Variants in DACH1 observed in about 807,000 individuals in gnomAD.
DACH1 encodes the protein dachshund family transcription factor 1.
In DACH1, 12 loss-of-function variants were observed where a neutral mutation model predicts 54.2. The observed-to-expected ratio is 0.22, with a 90% confidence interval of 0.14 to 0.36. DACH1 has a LOEUF of 0.36. Ranked by LOEUF, DACH1 falls within the 10% of genes least tolerant of loss-of-function variation. DACH1 has a pLI of 1.00. For synonymous variants in DACH1, 386 were observed against 366.2 expected, an observed-to-expected ratio of 1.05 and a Z score of -0.62; for missense variants, 805 against 929.8, an observed-to-expected ratio of 0.87 and a Z score of 1.75.
intron 1 of DACH1, among the ~76,000 whole-genome samples, chr13:71,698,457 T>G (rs1019002944): frequency 1.2e-4 from 18 of 152,078 alleles, no homozygotes; most frequent in African/African-American, 4.3e-4. Context: ...TGTATTGAAA[T>G]TTAAAATATG....
At chr13:71,477,545 T>A (rs1026543421) in intron 8 of DACH1, among the ~76,000 whole-genome samples, 7 of 152,140 alleles carry the variant, frequency 4.6e-5, no homozygotes, top group African/African-American at 1.7e-4. Flanking sequence ...CGAAAAGAAA[T>A]TGAAACTGAT....
rs190599051 is a variant in DACH1 at position 71,831,530 on chromosome 13, G to A, written c.848+34392C>T. Among the ~76,000 whole-genome samples, 309 of 151,776 alleles carry A rather than the reference G, an allele frequency of 2.0e-3. 1 individual carries two copies. The highest frequency in any genetic ancestry group is 6.8e-3 in the Middle Eastern group (2 of 292). On this transcript the variant is annotated intron_variant, in intron 1 of 10. Transcript: ENST00000613252. ...ACATAACTTGTGATATATAGGGTGG[G>A]CTTTTTTCTGTACTACTATATACCC...
intron 5 of DACH1, among the ~76,000 whole-genome samples, chr13:71,558,059 AAT>A (rs1452597820): frequency 6.6e-6 from 1 of 151,942 alleles, no homozygotes; most frequent in Non-Finnish European, 1.5e-5. Context: ...GTACTATAAT[AAT>A]GTTATTTTCC....
intron 7 of DACH1, among the ~76,000 whole-genome samples, chr13:71,485,069 A>G (rs1356763191): frequency 2.0e-5 from 3 of 152,028 alleles, no homozygotes; most frequent in Non-Finnish European, 2.9e-5. Flanking sequence ...TTTAAAAAAA[A>G]AAAAAGAAAA....
intron 1 of DACH1, among the ~76,000 whole-genome samples, chr13:71,688,678 T>C (rs1049479264): frequency 2.6e-5 from 4 of 152,136 alleles, no homozygotes; most frequent in African/African-American, 7.2e-5. Flanking sequence ...TGCTTACAAA[T>C]ATCACCAGTG....
At chr13:71,719,795 G>A (rs975119228) in intron 1 of DACH1, among the ~76,000 whole-genome samples, 2 of 152,016 alleles carry the variant, frequency 1.3e-5, no homozygotes, top group African/African-American at 4.8e-5. Context: ...AGCACAGGAG[G>A]TTGAGGCTGC....
chr13:71,688,857 T>C (rs1881320249), intron 1 of DACH1, among the ~76,000 whole-genome samples: 1 of 152,194 alleles, frequency 6.6e-6, no homozygotes, highest in South Asian at 2.1e-4. Context: ...ATTAAAAGAT[T>C]CTGTGTTCAA....
intron 2 of DACH1, among the ~76,000 whole-genome samples, chr13:71,660,518 G>A (rs372293184): frequency 6.6e-6 from 1 of 151,958 alleles, no homozygotes; most frequent in Admixed American, 6.6e-5. Flanking sequence ...GACAACCATA[G>A]CCCCATATAT....
intron 1 of DACH1, among the ~76,000 whole-genome samples, chr13:71,849,807 C>G (rs1240710549): frequency 6.6e-6 from 1 of 152,162 alleles, no homozygotes; most frequent in Non-Finnish European, 1.5e-5. Context: ...ATTCATTTAG[C>G]TTCATGAGAA....
intron 1 of DACH1, among the ~76,000 whole-genome samples, chr13:71,750,525 GTATAT>G (rs960049711): frequency 1.6e-4 from 25 of 152,238 alleles, no homozygotes; most frequent in East Asian, 9.7e-4. Flanking sequence ...CTTAGCTAGA[GTATAT>G]TATAAGAATA....
intron 6 of DACH1, among the ~76,000 whole-genome samples, chr13:71,550,455 C>T (rs2138355401): frequency 6.6e-6 from 1 of 152,176 alleles, no homozygotes; most frequent in South Asian, 2.1e-4. Context: ...TAGGAAAGGA[C>T]AGAGGATGTT....
intron 1 of DACH1, among the ~76,000 whole-genome samples, chr13:71,839,425 G>T (rs1460716333): frequency 6.6e-6 from 1 of 152,006 alleles, no homozygotes; most frequent in Non-Finnish European, 1.5e-5. Context: ...GGCTAATACG[G>T]TGAAACCCCG....
intron 1 of DACH1, among the ~76,000 whole-genome samples, chr13:71,825,601 A>G (rs1888348897): frequency 6.6e-6 from 1 of 152,110 alleles, no homozygotes; most frequent in Admixed American, 6.6e-5. Flanking sequence ...AATGTTTTCA[A>G]GGTTCACCCA....
intron 3 of DACH1, among the ~76,000 whole-genome samples, chr13:71,609,340 C>T (rs966538783): frequency 1.3e-5 from 2 of 152,090 alleles, no homozygotes; most frequent in African/African-American, 2.4e-5. Context: ...ACACAAACAT[C>T]CGCGTGTGTT....
At chr13:71,599,934 T>A (rs1015041727) in intron 3 of DACH1, among the ~76,000 whole-genome samples, 1 of 151,746 alleles carries the variant, frequency 6.6e-6, no homozygotes, top group Non-Finnish European at 1.5e-5. Context: ...ATAACTGATA[T>A]GAGAAAGCAG....
chr13:71,534,581 C>G (rs1029236430), intron 6 of DACH1, among the ~76,000 whole-genome samples: 25 of 151,198 alleles, frequency 1.7e-4, no homozygotes, highest in African/African-American at 6.1e-4. Context: ...CCAAAGTGAG[C>G]AATTGTAACT....
chr13:71,725,168 T>C (rs570623214), intron 1 of DACH1, among the ~76,000 whole-genome samples: 2 of 152,110 alleles, frequency 1.3e-5, no homozygotes, highest in Non-Finnish European at 2.9e-5. Flanking sequence ...GCAAAACAAG[T>C]CTCATCAAAG....
chr13:71,678,255 T>C (rs1029574018), intron 2 of DACH1, among the ~76,000 whole-genome samples: 2 of 152,246 alleles, frequency 1.3e-5, no homozygotes, highest in Non-Finnish European at 2.9e-5. Context: ...AGATGTTATA[T>C]ACTTCTTGAG....
chr13:71,702,255 T>A (rs1882177739), intron 1 of DACH1, among the ~76,000 whole-genome samples: 1 of 152,162 alleles, frequency 6.6e-6, no homozygotes, highest in South Asian at 2.1e-4. Context: ...TTTAACTTAC[T>A]AAATTAAAAT....
Sources: gnomAD v4.1 joint callset for allele counts (sites outside exome capture counted in the v4.1 genomes callset) on GRCh38, gnomAD v4.1.1 for gene constraint, MANE v1.5 for transcripts, NCBI Gene and HGNC (gene_info 2026-07-23, HGNC 2026-07-21) for gene names.